The following UBQLN1 variants were observed in gnomAD, a reference collection of about 807,000 sequenced individuals.
UBQLN1 encodes the protein ubiquilin 1, also known as ubiquilin-1.
In UBQLN1, 13 loss-of-function variants were observed where a neutral mutation model predicts 65.4. That is an observed-to-expected ratio of 0.20 (90% CI 0.13 to 0.32). UBQLN1 has a LOEUF of 0.32. UBQLN1 is among the 10% of genes least tolerant of loss of function. The pLI is 1.00. For missense variants in UBQLN1, 561 were observed against 724.0 expected, an observed-to-expected ratio of 0.77 and a Z score of 2.58; for synonymous variants, 267 against 247.8, an observed-to-expected ratio of 1.08 and a Z score of -0.73.
intron 1 of UBQLN1, among the ~76,000 whole-genome samples, chr9:83,701,249 T>C (rs1280342305): frequency 3.3e-5 from 5 of 152,094 alleles, no homozygotes; most frequent in Non-Finnish European, 7.4e-5. Context: ...AACATCCTTA[T>C]GAAAAATAAC....
At chr9:83,685,877 C>A in intron 2 of UBQLN1, 127 bp downstream of exon 2, 1 of 807,114 alleles carries the variant, frequency 1.2e-6, no homozygotes, top group Non-Finnish European at 1.8e-6. Context: ...TTATCGACAG[C>A]AAGGAAAGAA....
chr9:83,680,148 C>T lies in UBQLN1; in HGVS notation c.449-111G>A, dbSNP rs1046227590. 5.1e-6 allele frequency: 6 copies of T among 1,167,218 alleles called. No homozygotes were observed. In the African/African-American group the frequency reaches 6.2e-5, roughly 12 times the overall value. The allele number at this position is 1,167,218 out of a possible 1,614,324, so 72.3% of individuals were successfully genotyped here. On this transcript the variant is annotated intron_variant, in intron 3 of 10. Coordinates refer to ENST00000376395, the MANE Select transcript of UBQLN1 (RefSeq NM_013438.5). ...TATTAGCTGACCCAATAGTCTATTACAAGAAATCATTTAAAAACAAATCGA... is the reference window on the plus strand; with the variant it reads ...TATTAGCTGACCCAATAGTCTATTATAAGAAATCATTTAAAAACAAATCGA...
intron 1 of UBQLN1, among the ~76,000 whole-genome samples, chr9:83,697,245 GTTT>G (rs71365322): frequency 7.1e-6 from 1 of 140,698 alleles, no homozygotes. Context: ...GTATCTTCTG[GTTT>G]TTTTTTTTTT....
At chr9:83,688,886 A>G (rs1832083594) in intron 1 of UBQLN1, among the ~76,000 whole-genome samples, 1 of 152,146 alleles carries the variant, frequency 6.6e-6, no homozygotes, top group Admixed American at 6.5e-5. Context: ...ACATGCATCT[A>G]TTCTTACATC....
chr9:83,670,895 ACTC>A (rs1396328105), intron 6 of UBQLN1, among the ~76,000 whole-genome samples: 3 of 151,774 alleles, frequency 2.0e-5, no homozygotes, highest in African/African-American at 7.3e-5. Context: ...ACAAAAAGCA[ACTC>A]CTCATCTGTA....
intron 1 of UBQLN1, among the ~76,000 whole-genome samples, chr9:83,688,128 G>A (rs540439865): frequency 6.6e-6 from 1 of 152,244 alleles, no homozygotes; most frequent in African/African-American, 2.4e-5. Flanking sequence ...CAGAACACAT[G>A]GTTTGTAAGA....
chr9:83,703,356 G>C (rs1832343442), intron 1 of UBQLN1, among the ~76,000 whole-genome samples: 1 of 151,922 alleles, frequency 6.6e-6, no homozygotes, highest in African/African-American at 2.4e-5. Context: ...GCTTTCTGAT[G>C]GTTCAATGTA....
At chr9:83,668,030 TTCAG>T (rs1483798856) in intron 7 of UBQLN1, 3 of 985,298 alleles carry the variant, frequency 3.0e-6, no homozygotes, top group African/African-American at 1.7e-5. Context: ...AAGATGCACA[TTCAG>T]TATTAGCCAA....
At chr9:83,674,557 T>G (rs1426258547) in intron 6 of UBQLN1, among the ~76,000 whole-genome samples, 1 of 152,200 alleles carries the variant, frequency 6.6e-6, no homozygotes, top group Non-Finnish European at 1.5e-5. Flanking sequence ...ATGACTAATT[T>G]AACAGTTAAT....
chr9:83,681,246 T>G (rs1485566912), intron 3 of UBQLN1, among the ~76,000 whole-genome samples: 1 of 152,242 alleles, frequency 6.6e-6, no homozygotes, highest in Non-Finnish European at 1.5e-5. Flanking sequence ...GATGACCAAG[T>G]GCTTACCACA....
chr9:83,666,570 A>G (rs1831647191), intron 7 of UBQLN1, 137 bp from the exon 8 acceptor site: 1 of 753,392 alleles, frequency 1.3e-6, no homozygotes, highest in Non-Finnish European at 2.1e-6. Context: ...AAAAAAAGGA[A>G]AAGGGAAGAT....
In UBQLN1 at chr9:83,697,484, G is replaced by A. The variant is rs185134703; in HGVS notation, c.180+10016C>T. Among the ~76,000 whole-genome samples, 201 of 146,184 alleles carry A rather than the reference G, an allele frequency of 1.4e-3. 3 individuals carry two copies. Among genetic ancestry groups the A allele is most frequent in the African/African-American group, 4.7e-3 (186 of 39,966 alleles). On this transcript the variant is annotated intron_variant, in intron 1 of 10. Coordinates refer to ENST00000376395, the MANE Select transcript of UBQLN1 (RefSeq NM_013438.5). ...AGAGAATTGTGTGAACCCAGGGGGC[G>A]GAGGTTGCAGTGAGCTGAGATTGCA...
chr9:83,687,629 G>A (rs1832060951), intron 1 of UBQLN1, among the ~76,000 whole-genome samples: 1 of 152,032 alleles, frequency 6.6e-6, no homozygotes, highest in South Asian at 2.1e-4. Flanking sequence ...AATCTTGTGG[G>A]GACAAGGAAG....
intron 6 of UBQLN1, among the ~76,000 whole-genome samples, chr9:83,670,310 T>C (rs76770883): frequency 0.039 from 5,972 of 152,214 alleles, 397 homozygotes; most frequent in African/African-American, 0.14. Context: ...CACTTATCTT[T>C]CTAGTTTATT....
chr9:83,673,102 C>T (rs930511022), intron 6 of UBQLN1, among the ~76,000 whole-genome samples: 3 of 151,720 alleles, frequency 2.0e-5, no homozygotes, highest in African/African-American at 7.3e-5. Context: ...TGGTGGTACA[C>T]ACCTGTAATC....
chr9:83,671,199 C>G (rs140268844), intron 6 of UBQLN1, among the ~76,000 whole-genome samples: 6 of 152,278 alleles, frequency 3.9e-5, no homozygotes, highest in Non-Finnish European at 8.8e-5. Context: ...CCATAGAAGT[C>G]TTGAACCCCT....
In UBQLN1 at chr9:83,695,070, T is replaced by C. The variant is rs538917844; in HGVS notation, c.181-8915A>G. 2.0e-5 allele frequency among the ~76,000 whole-genome samples: 3 copies of C among 152,118 alleles called. No individual in the cohort carries two copies. The South Asian group carries it at 6.2e-4, about 32-fold the overall frequency. ...AGAACGAGTAAGATAAAGAAAATTG[T>C]GGGTGGTTGACCCCATTTGCTTAAC... On this transcript the variant is annotated intron_variant, in intron 1 of 10. Coordinates refer to ENST00000376395, the MANE Select transcript of UBQLN1 (RefSeq NM_013438.5).
At chr9:83,682,018 G>C (rs1338199323) in intron 3 of UBQLN1, among the ~76,000 whole-genome samples, 2 of 152,128 alleles carry the variant, frequency 1.3e-5, no homozygotes, top group African/African-American at 4.8e-5. Context: ...CACTGAGTTT[G>C]GCTATCTATT....
intron 1 of UBQLN1, among the ~76,000 whole-genome samples, chr9:83,697,928 G>T (rs187222378): frequency 6.6e-6 from 1 of 152,008 alleles, no homozygotes; most frequent in African/African-American, 2.4e-5. Flanking sequence ...TAGAGACGGG[G>T]TTTCTCCATG....
Sources: allele counts gnomAD v4.1 joint callset (sites outside exome capture counted in the v4.1 genomes callset), GRCh38; gene constraint gnomAD v4.1.1; transcripts MANE v1.5; gene names NCBI Gene and HGNC (gene_info 2026-07-23, HGNC 2026-07-21).